The following ADCY8 variants were observed in gnomAD, a reference collection of about 807,000 sequenced individuals.
ADCY8 encodes adenylate cyclase 8.
ADCY8 carries 51 observed loss-of-function variants against 119.7 expected under a neutral mutation model. That is an observed-to-expected ratio of 0.43 (90% confidence interval 0.34 to 0.54). ADCY8 has a LOEUF of 0.54. Ranked by LOEUF, ADCY8 falls within the 20% of genes least tolerant of loss-of-function variation. ADCY8 has a pLI of 0.03. For missense variants in ADCY8, 1,383 were observed against 1,598.8 expected, an observed-to-expected ratio of 0.87 and a Z score of 2.30; for synonymous variants, 665 against 651.0, an observed-to-expected ratio of 1.02 and a Z score of -0.33.
chr8:130,953,875 C>G (rs1374291865), intron 2 of ADCY8, among the ~76,000 whole-genome samples: 1 of 152,204 alleles, frequency 6.6e-6, no homozygotes, highest in African/African-American at 2.4e-5. Flanking sequence ...GCTATCCCAT[C>G]ACGGGACTAA....
intron 5 of ADCY8, among the ~76,000 whole-genome samples, chr8:130,914,670 G>A (rs1820075253): frequency 6.6e-6 from 1 of 152,148 alleles, no homozygotes; most frequent in Admixed American, 6.5e-5. Flanking sequence ...CATTCTTGAA[G>A]CTAAAATGGA....
chr8:130,951,309 C>A (rs1821262578), intron 3 of ADCY8, among the ~76,000 whole-genome samples: 1 of 152,176 alleles, frequency 6.6e-6, no homozygotes, highest in Non-Finnish European at 1.5e-5. Flanking sequence ...ATTTTCAGTA[C>A]ATGCCATGTT....
chr8:130,960,451 T>TATGACTCA (rs113154953), intron 2 of ADCY8, among the ~76,000 whole-genome samples: 1 of 151,938 alleles, frequency 6.6e-6, no homozygotes, highest in African/African-American at 2.4e-5. Flanking sequence ...GAAACCTATT[T>TATGACTCA]ATCCTGGGAA....
chr8:130,847,301 C>T (rs1445304110), intron 11 of ADCY8, 123 bp downstream of exon 11: 3 of 634,230 alleles, frequency 4.7e-6, no homozygotes, highest in Non-Finnish European at 8.2e-6. Context: ...GAAGAAGAGG[C>T]AGAAGAAGGA....
At chr8:131,030,619 C>A (rs776709353) in intron 1 of ADCY8, among the ~76,000 whole-genome samples, 1 of 152,286 alleles carries the variant, frequency 6.6e-6, no homozygotes, top group African/African-American at 2.4e-5. Flanking sequence ...CACAAATTCC[C>A]TACCCAAATC....
intron 15 of ADCY8, among the ~76,000 whole-genome samples, chr8:130,793,605 T>C (rs2130082551): frequency 6.6e-6 from 1 of 152,326 alleles, no homozygotes; most frequent in Non-Finnish European, 1.5e-5. Context: ...TAGATACTGG[T>C]TCAATAAGCC....
chr8:131,006,659 C>G (rs1823127899), intron 1 of ADCY8, among the ~76,000 whole-genome samples: 1 of 152,116 alleles, frequency 6.6e-6, no homozygotes, highest in African/African-American at 2.4e-5. Flanking sequence ...GCTTAGCGGA[C>G]AGATCACTGC....
chr8:130,792,083 TG>T (rs1815441835), intron 15 of ADCY8, among the ~76,000 whole-genome samples: 1 of 152,228 alleles, frequency 6.6e-6, no homozygotes, highest in Non-Finnish European at 1.5e-5. Flanking sequence ...TTCCAGGTCC[TG>T]GAGGCCCTCC....
chr8:130,895,201 T>C (rs1443258100), intron 7 of ADCY8, among the ~76,000 whole-genome samples: 1 of 152,212 alleles, frequency 6.6e-6, no homozygotes, highest in Non-Finnish European at 1.5e-5. Context: ...TTTAAAGTGC[T>C]ATACGTTTAT....
At chr8:130,796,310 G>C (rs765244287) in intron 15 of ADCY8, among the ~76,000 whole-genome samples, 1 of 152,170 alleles carries the variant, frequency 6.6e-6, no homozygotes, top group Non-Finnish European at 1.5e-5. Flanking sequence ...GGCATAGAGT[G>C]GTCCCTGATC....
At chr8:130,831,579 C>T (rs181129878) in intron 12 of ADCY8, among the ~76,000 whole-genome samples, 7 of 152,252 alleles carry the variant, frequency 4.6e-5, no homozygotes, top group Admixed American at 3.3e-4. Flanking sequence ...TGAGAAAAGA[C>T]GTGATTTCCC....
chr8:131,040,097 G>A lies in ADCY8; in HGVS notation c.237C>T (p.His79=), dbSNP rs1327537982. The change falls in exon 1 of 18, where the codon CAC becomes CAT. Residue 79 remains histidine (H), a synonymous_variant. Transcript: ENST00000286355. ...SDPAGGGPNH[H]APQLSGDSAL... ...CCGAGTCGCCTGACAGCTGCGGCGCGTGGTGGTTGGGGCCGCCGCCCGCAG... is the reference window on the plus strand; with the variant it reads ...CCGAGTCGCCTGACAGCTGCGGCGCATGGTGGTTGGGGCCGCCGCCCGCAG... 2 of 1,528,914 alleles carry A rather than the reference G, an allele frequency of 1.3e-6. No individual in the cohort carries two copies. The highest frequency in any genetic ancestry group is 1.2e-5 in the South Asian group (1 of 82,512). 94.7% of individuals were successfully genotyped at this position (1,528,914 alleles called of 1,614,324 possible).
chr8:130,824,913 T>G (rs1212305315), intron 12 of ADCY8, among the ~76,000 whole-genome samples: 2 of 152,212 alleles, frequency 1.3e-5, no homozygotes, highest in Non-Finnish European at 2.9e-5. Flanking sequence ...TACAGTTGCC[T>G]CCCAAATAGT....
chr8:130,824,423 C>G (rs1056831885), intron 12 of ADCY8, among the ~76,000 whole-genome samples: 2 of 152,150 alleles, frequency 1.3e-5, no homozygotes, highest in African/African-American at 4.8e-5. Context: ...GACTAGCTAT[C>G]AATTCAGATC....
intron 11 of ADCY8, among the ~76,000 whole-genome samples, chr8:130,844,468 A>T (rs1817239132): frequency 6.6e-6 from 1 of 152,142 alleles, no homozygotes; most frequent in Admixed American, 6.5e-5. Context: ...TTTGGACTGG[A>T]TATTATTTCT....
chr8:130,865,213 C>G (rs1326846167), intron 9 of ADCY8, among the ~76,000 whole-genome samples: 4 of 152,092 alleles, frequency 2.6e-5, no homozygotes, highest in African/African-American at 7.2e-5. Flanking sequence ...CTCTGTCAAT[C>G]TTTTAAATTT....
At chr8:130,893,910 G>C (rs28536655) in intron 7 of ADCY8, among the ~76,000 whole-genome samples, 48,344 of 151,840 alleles carry the variant, frequency 0.32, 8,977 homozygotes, top group East Asian at 0.57. Flanking sequence ...GTGTGGTTGT[G>C]GTTGTGTTTT....
At chr8:130,857,361 T>C (rs1817777748) in intron 9 of ADCY8, among the ~76,000 whole-genome samples, 1 of 152,142 alleles carries the variant, frequency 6.6e-6, no homozygotes, top group Non-Finnish European at 1.5e-5. Flanking sequence ...TTTTATCCTT[T>C]CTTTATAGAC....
At chr8:130,888,062 A>T (rs1443849041) in intron 7 of ADCY8, among the ~76,000 whole-genome samples, 1 of 152,142 alleles carries the variant, frequency 6.6e-6, no homozygotes, top group African/African-American at 2.4e-5. Flanking sequence ...ATAAGCTTCC[A>T]AATGTGATTC....
Sources: gnomAD v4.1 joint callset for allele counts (sites outside exome capture counted in the v4.1 genomes callset) on GRCh38, gnomAD v4.1.1 for gene constraint, MANE v1.5 for transcripts, NCBI Gene and HGNC (gene_info 2026-07-23, HGNC 2026-07-21) for gene names.